Variants in CSGALNACT1 observed in about 807,000 individuals in gnomAD.
The protein encoded by CSGALNACT1 is chondroitin sulfate N-acetylgalactosaminyltransferase 1, also known as beta4GalNAcT-1.
In CSGALNACT1, 52 loss-of-function variants were observed where a neutral mutation model predicts 51.0. The observed-to-expected ratio is 1.02, with a 90% CI of 0.82 to 1.29. CSGALNACT1 has a LOEUF of 1.29. Ranked by LOEUF, CSGALNACT1 falls within the 50% of genes most tolerant of loss-of-function variation. The probability of loss-of-function intolerance (pLI) is 0.00; values close to 1 mark genes in which losing one functional copy is unlikely to be tolerated. For missense variants in CSGALNACT1, 935 were observed against 679.2 expected (o/e 1.38, Z -4.19); for synonymous variants, 341 against 254.4 (o/e 1.34, Z -3.24).
chr8:19,707,266 G>T (rs1381451685), intron 1 of CSGALNACT1, among the ~76,000 whole-genome samples: 2 of 152,160 alleles, frequency 1.3e-5, no homozygotes, highest in Non-Finnish European at 2.9e-5. Flanking sequence ...ACATCCATAA[G>T]TGTTCTATAA....
intron 4 of CSGALNACT1, among the ~76,000 whole-genome samples, chr8:19,497,153 A>G (rs2075636976): frequency 6.6e-6 from 1 of 152,230 alleles, no homozygotes; most frequent in Non-Finnish European, 1.5e-5. Flanking sequence ...CTGAGATTTT[A>G]TCAGAAAAAT....
Position 19,577,193 on chromosome 8 carries a change from C to T in CSGALNACT1, c.-297+13967G>A, listed in dbSNP as rs147098439. On this transcript the variant is annotated intron_variant, in intron 3 of 9. Coordinates refer to ENST00000454498, the Ensembl canonical transcript of CSGALNACT1. The stretch of plus-strand genomic sequence containing the variant: ...GAAATAGACTGAGAGTTGTGCTTGG[C>T]CTTGGAGAATTCATAATTTTGTTCT... Among the ~76,000 whole-genome samples, 762 of 152,202 alleles carry T rather than the reference C, an allele frequency of 5.0e-3. 7 individuals are homozygous for T. Among genetic ancestry groups the T allele is most frequent in the African/African-American group, 0.017 (708 of 41,500 alleles).
chr8:19,430,476 C>G (rs890919001), intron 6 of CSGALNACT1, among the ~76,000 whole-genome samples: 2 of 152,138 alleles, frequency 1.3e-5, no homozygotes, highest in African/African-American at 4.8e-5. Flanking sequence ...TGATTCTTTC[C>G]CCCATATGAT....
At chr8:19,526,265 T>C (rs1244653895) in intron 3 of CSGALNACT1, among the ~76,000 whole-genome samples, 1 of 152,192 alleles carries the variant, frequency 6.6e-6, no homozygotes, top group African/African-American at 2.4e-5. Context: ...GAACAGCTAT[T>C]ACTCAAGGGC....
chr8:19,435,821 C>G (rs2153737890), intron 6 of CSGALNACT1, among the ~76,000 whole-genome samples: 1 of 152,278 alleles, frequency 6.6e-6, no homozygotes, highest in Non-Finnish European at 1.5e-5. Flanking sequence ...ATGTTAGTAG[C>G]TTTTAAACAT....
At chr8:19,505,259 G>A (rs181991673) in exon 4 of CSGALNACT1, 1 of 1,614,174 alleles carries the variant, frequency 6.2e-7, no homozygotes, top group East Asian at 2.2e-5. Context: ...CTGCAGGACT[G>A]TTCAGGGTCT....
chr8:19,567,424 TGACA>T (rs889786609), intron 3 of CSGALNACT1, among the ~76,000 whole-genome samples: 2 of 152,352 alleles, frequency 1.3e-5, no homozygotes, highest in African/African-American at 2.4e-5. Flanking sequence ...AGAGGCAGTG[TGACA>T]GACAAAGTGT....
chr8:19,563,213 T>C (rs912987506), intron 3 of CSGALNACT1, among the ~76,000 whole-genome samples: 1 of 151,918 alleles, frequency 6.6e-6, no homozygotes, highest in Non-Finnish European at 1.5e-5. Flanking sequence ...CACTACTAAG[T>C]GGGAGTTGAA....
intron 9 of CSGALNACT1, among the ~76,000 whole-genome samples, chr8:19,406,822 C>T (rs1160664649): frequency 6.6e-6 from 1 of 152,070 alleles, no homozygotes; most frequent in African/African-American, 2.4e-5. Context: ...GATTCTCCTG[C>T]CTCAGCCTCC....
intron 3 of CSGALNACT1, among the ~76,000 whole-genome samples, chr8:19,510,964 G>A (rs996602350): frequency 2.6e-5 from 4 of 152,202 alleles, no homozygotes; most frequent in Non-Finnish European, 4.4e-5. Flanking sequence ...ATTTCACTCT[G>A]CAGATTTCAG....
At chr8:19,444,200 C>T (rs924138780) in intron 5 of CSGALNACT1, among the ~76,000 whole-genome samples, 2 of 152,214 alleles carry the variant, frequency 1.3e-5, no homozygotes, top group African/African-American at 4.8e-5. Flanking sequence ...ATATAACCTA[C>T]ATACATCCTC....
intron 1 of CSGALNACT1, among the ~76,000 whole-genome samples, chr8:19,628,506 T>C (rs1234411727): frequency 6.6e-6 from 1 of 152,208 alleles, no homozygotes; most frequent in Non-Finnish European, 1.5e-5. Context: ...CCAAACCGTA[T>C]CAACAGTGTT....
chr8:19,606,670 C>T (rs928907218), upstream of CSGALNACT1, among the ~76,000 whole-genome samples: 2 of 152,120 alleles, frequency 1.3e-5, no homozygotes, highest in Non-Finnish European at 2.9e-5. Context: ...TTTTTAATTC[C>T]TTTTTCATTT....
chr8:19,684,053 C>T (rs2060822777), upstream of CSGALNACT1, among the ~76,000 whole-genome samples: 1 of 152,110 alleles, frequency 6.6e-6, no homozygotes. Context: ...GTAATCCCAG[C>T]TACTTGGGAG....
intron 1 of CSGALNACT1, among the ~76,000 whole-genome samples, chr8:19,662,191 G>T (rs777522692): frequency 6.6e-5 from 10 of 150,674 alleles, no homozygotes; most frequent in Admixed American, 1.3e-4. Context: ...GCCAAGGCAG[G>T]TGATCAACAT....
At chr8:19,596,647 G>A (rs911736044) in intron 2 of CSGALNACT1, among the ~76,000 whole-genome samples, 18 of 149,668 alleles carry the variant, frequency 1.2e-4, no homozygotes, top group African/African-American at 4.4e-4. Context: ...TCTTACCACT[G>A]TAAATACATT....
intron 1 of CSGALNACT1, among the ~76,000 whole-genome samples, chr8:19,749,041 C>T (rs1329993397): frequency 6.6e-6 from 1 of 151,886 alleles, no homozygotes; most frequent in Non-Finnish European, 1.5e-5. Flanking sequence ...GACTCCGTCT[C>T]CCAGGCCCAT....
chr8:19,626,824 A>G lies in CSGALNACT1; in HGVS notation c.-543-24959T>C, dbSNP rs142549992. Among the ~76,000 whole-genome samples the G allele has an allele frequency of 4.5e-3, 688 of 152,316 alleles. 4 individuals carry two copies. The highest frequency in any genetic ancestry group is 0.015 in the African/African-American group (642 of 41,568). On this transcript the variant is annotated intron_variant, in intron 1 of 9. Coordinates refer to the CSGALNACT1 transcript ENST00000332246. The stretch of plus-strand genomic sequence containing the variant: ...GGTGAGTAAGTACATCCTTAGCCAG[A>G]GGAAAACACAAATTAAAACCTCAAT...
At chr8:19,692,740 G>C (rs2061395361) in intron 1 of CSGALNACT1, among the ~76,000 whole-genome samples, 1 of 152,182 alleles carries the variant, frequency 6.6e-6, no homozygotes, top group South Asian at 2.1e-4. Context: ...AAGAGGGTTT[G>C]GTGGAGCTCT....
Sources: allele counts gnomAD v4.1 joint callset (sites outside exome capture counted in the v4.1 genomes callset), GRCh38; gene constraint gnomAD v4.1.1; transcripts MANE v1.5; gene names NCBI Gene and HGNC (gene_info 2026-07-23, HGNC 2026-07-21).